Variants in GRIA1 observed in about 807,000 individuals in gnomAD.
GRIA1 encodes the protein glutamate ionotropic receptor AMPA type subunit 1.
In GRIA1, 31 loss-of-function variants were observed where a neutral mutation model predicts 99.2. That is an observed-to-expected ratio of 0.31 (90% CI 0.23 to 0.42). The LOEUF (loss-of-function observed/expected upper bound fraction) is 0.42, where lower values mean the gene tolerates loss of function less well. Ranked by LOEUF, GRIA1 falls within the 10% of genes least tolerant of loss-of-function variation. The probability of loss-of-function intolerance (pLI) is 1.00; values close to 1 mark genes in which losing one functional copy is unlikely to be tolerated. For synonymous variants in GRIA1, 438 were observed against 432.4 expected (o/e 1.01, Z -0.16); for missense variants, 782 against 1,157.5 (o/e 0.68, Z 4.71).
intron 2 of GRIA1, among the ~76,000 whole-genome samples, chr5:153,523,014 A>ATCTC (rs1491124899): frequency 7.9e-4 from 59 of 74,284 alleles, no homozygotes; most frequent in Admixed American, 2.6e-3. Context: ...CTTGTTCCTG[A>ATCTC]TATCTCTCTC....
At position 153,750,484 on chromosome 5, in the gene GRIA1, G is replaced by A. The variant is rs554400627; in HGVS notation, c.1824-13950G>A. On this transcript the variant is annotated intron_variant, in intron 11 of 15. Coordinates refer to ENST00000285900, the MANE Select transcript of GRIA1 (RefSeq NM_000827.4). ...TGACACGACGTGTTTTTGAAATAAA[G>A]AAGAATGTCCATATCCAACTCCTTG... Among the ~76,000 whole-genome samples, 3 of 152,208 alleles carry A rather than the reference G, an allele frequency of 2.0e-5. No individual in the cohort carries two copies. The South Asian group carries it at 6.2e-4, about 32-fold the overall frequency.
At chr5:153,582,202 C>T (rs543880007) in intron 2 of GRIA1, among the ~76,000 whole-genome samples, 2 of 152,232 alleles carry the variant, frequency 1.3e-5, no homozygotes, top group East Asian at 3.9e-4. Context: ...AAGTTAGGAC[C>T]AGAGAAGAGT....
chr5:153,507,065 G>A (rs565027304), intron 2 of GRIA1, among the ~76,000 whole-genome samples: 1 of 152,288 alleles, frequency 6.6e-6, no homozygotes, highest in Admixed American at 6.5e-5. Flanking sequence ...GGAGGTTGCA[G>A]TGAGCCAAGA....
chr5:153,683,494 C>G (rs770645589), intron 7 of GRIA1, among the ~76,000 whole-genome samples: 1 of 152,182 alleles, frequency 6.6e-6, no homozygotes, highest in Non-Finnish European at 1.5e-5. Flanking sequence ...TGGCTACTCA[C>G]TGGGTTTCTG....
At chr5:153,599,330 T>A (rs1764692866) in intron 2 of GRIA1, among the ~76,000 whole-genome samples, 1 of 152,226 alleles carries the variant, frequency 6.6e-6, no homozygotes, top group African/African-American at 2.4e-5. Flanking sequence ...TTAGAAAGTA[T>A]GAAAGAAGTT....
At chr5:153,717,984 A>G (rs976951111) in intron 11 of GRIA1, among the ~76,000 whole-genome samples, 1 of 152,234 alleles carries the variant, frequency 6.6e-6, no homozygotes, top group African/African-American at 2.4e-5. Flanking sequence ...AAAAAAATCA[A>G]TAGAGAGGGA....
At chr5:153,522,138 A>C (rs1011387332) in intron 2 of GRIA1, among the ~76,000 whole-genome samples, 5 of 152,196 alleles carry the variant, frequency 3.3e-5, no homozygotes, top group African/African-American at 1.2e-4. Context: ...AAACTGCCTT[A>C]GGTTTGAATC....
In GRIA1 at chr5:153,716,846, T is replaced by C. The variant is rs116638827; in HGVS notation, c.1823+10779T>C. ...GTGAGAGAGATCTGGAATCTATTTA[T>C]CCTATGGGTAAATTCCATTTGTCCT... On this transcript the variant is annotated intron_variant, in intron 11 of 15. Transcript: ENST00000285900. 3.6e-3 allele frequency among the ~76,000 whole-genome samples: 554 copies of C among 152,294 alleles called. 4 individuals are homozygous for C. Among genetic ancestry groups the C allele is most frequent in the African/African-American group, 0.013 (541 of 41,566 alleles).
chr5:153,694,247 A>T (rs929390100), intron 8 of GRIA1, among the ~76,000 whole-genome samples: 18 of 152,272 alleles, frequency 1.2e-4, no homozygotes, highest in African/African-American at 4.3e-4. Context: ...CATCTGGCTT[A>T]CACAGATTCA....
At chr5:153,781,409 A>G (rs1581647212) in intron 13 of GRIA1, among the ~76,000 whole-genome samples, 1 of 151,950 alleles carries the variant, frequency 6.6e-6, no homozygotes, top group African/African-American at 2.4e-5. Context: ...GTGGCCCACA[A>G]ACACAACTTT....
intron 11 of GRIA1, among the ~76,000 whole-genome samples, chr5:153,735,371 G>A (rs867529768): frequency 3.6e-4 from 55 of 152,158 alleles, no homozygotes; most frequent in African/African-American, 1.2e-3. Context: ...GGGGGTCCAC[G>A]TGAGAGAGTC....
intron 14 of GRIA1, among the ~76,000 whole-genome samples, chr5:153,801,853 G>A (rs1272914023): frequency 1.3e-5 from 2 of 149,882 alleles, no homozygotes; most frequent in East Asian, 4.0e-4. Flanking sequence ...TGCACATCTA[G>A]GGGAAAGTTC....
chr5:153,788,259 A>G (rs1189318898), intron 13 of GRIA1, among the ~76,000 whole-genome samples: 2 of 152,022 alleles, frequency 1.3e-5, no homozygotes, highest in Non-Finnish European at 2.9e-5. Flanking sequence ...CCCTTACTCA[A>G]AATGTATCCT....
intron 2 of GRIA1, among the ~76,000 whole-genome samples, chr5:153,540,170 C>T (rs1179536883): frequency 6.6e-6 from 1 of 152,208 alleles, no homozygotes; most frequent in East Asian, 1.9e-4. Context: ...CCTGCCTTGC[C>T]TTAACAGCAT....
At position 153,650,413 on chromosome 5, in the gene GRIA1, G is replaced by C. The variant is rs777324341; in HGVS notation, c.544G>C (p.Glu182Gln). 1 of 1,614,052 alleles carries C rather than the reference G, an allele frequency of 6.2e-7. No homozygotes were observed. Among genetic ancestry groups the C allele is most frequent in the Non-Finnish European group, 8.5e-7 (1 of 1,179,946 alleles). ...VTAVNILTTT[E>Q]EGYRMLFQDL... ...AGCAGTCAACATTTTGACAACCACAGAGGAGGGATACCGGATGCTCTTTCA... is the reference window on the plus strand; with the variant it reads ...AGCAGTCAACATTTTGACAACCACACAGGAGGGATACCGGATGCTCTTTCA... The change falls in exon 4 of 16, where the codon GAG becomes CAG. Residue 182 changes from glutamate to glutamine, a missense_variant. By Grantham distance (29) the Glu-to-Gln change is conservative. Coordinates refer to ENST00000285900, the MANE Select transcript of GRIA1 (RefSeq NM_000827.4).
At chr5:153,498,244 C>T (rs534883415) in intron 2 of GRIA1, among the ~76,000 whole-genome samples, 11 of 152,270 alleles carry the variant, frequency 7.2e-5, no homozygotes, top group African/African-American at 2.6e-4. Flanking sequence ...CCCAATCAGC[C>T]CATTCTTCCC....
chr5:153,695,821 C>T (rs976577002), intron 8 of GRIA1, among the ~76,000 whole-genome samples: 1 of 152,210 alleles, frequency 6.6e-6, no homozygotes, highest in African/African-American at 2.4e-5. Flanking sequence ...GTCAGACCTC[C>T]GAGCTGTCTC....
chr5:153,794,697 G>A lies in GRIA1; in HGVS notation c.2347G>A (p.Asp783Asn), dbSNP rs776926017. 3.1e-6 allele frequency: 5 copies of A among 1,613,558 alleles called. No homozygotes were observed. Among genetic ancestry groups the A allele is most frequent in the East Asian group, 2.2e-5 (1 of 44,890 alleles). The change falls in exon 14 of 16, where the codon GAC (aspartate) becomes AAC (asparagine). Residue 783 changes from aspartate (D) to asparagine (N), a missense_variant. Physicochemically the swap from Asp to Asn is conservative, Grantham distance 23. Transcript: ENST00000285900. ...LDKLKNKWWY[D>N]KGECGSGGGD... Reference sequence around the variant, plus strand: ...CAAATTGAAAAACAAATGGTGGTACGACAAGGGCGAGTGCGGCAGCGGGGG... The same window carrying A: ...CAAATTGAAAAACAAATGGTGGTACAACAAGGGCGAGTGCGGCAGCGGGGG...
At chr5:153,605,434 C>T (rs868427088) in intron 2 of GRIA1, among the ~76,000 whole-genome samples, 14 of 152,286 alleles carry the variant, frequency 9.2e-5, no homozygotes, top group African/African-American at 2.9e-4. Flanking sequence ...GGGCCGTTTA[C>T]ACTTTTGAAT....
Sources: gnomAD v4.1 joint callset for allele counts (sites outside exome capture counted in the v4.1 genomes callset) on GRCh38, gnomAD v4.1.1 for gene constraint, MANE v1.5 for transcripts, NCBI Gene and HGNC (gene_info 2026-07-23, HGNC 2026-07-21) for gene names.